The following PTPRF variants were observed in gnomAD, a reference collection of about 807,000 sequenced individuals.
The protein encoded by PTPRF is receptor-type tyrosine-protein phosphatase F.
In PTPRF, 59 loss-of-function variants were observed where a neutral mutation model predicts 201.8. The ratio of observed to expected loss-of-function variants is 0.29; its 90% confidence interval spans 0.24 to 0.36. The LOEUF is 0.36. PTPRF is among the 10% of genes least tolerant of loss of function. The pLI is 1.00. For missense variants in PTPRF, 2,132 were observed against 2,690.5 expected, an observed-to-expected ratio of 0.79 and a Z score of 4.59; for synonymous variants, 1,088 against 1,089.7, an observed-to-expected ratio of 1.00 and a Z score of 0.03.
intron 2 of PTPRF, among the ~76,000 whole-genome samples, chr1:43,540,631 C>T (rs895561681): frequency 6.6e-6 from 1 of 152,202 alleles, no homozygotes; most frequent in Non-Finnish European, 1.5e-5. Context: ...CGACACTCCT[C>T]CTAATCTCCC....
intron 5 of PTPRF, among the ~76,000 whole-genome samples, chr1:43,555,901 C>T (rs929857372): frequency 6.6e-6 from 1 of 152,124 alleles, no homozygotes; most frequent in African/African-American, 2.4e-5. Context: ...GTTCACCTTC[C>T]TGATTATTCC....
At position 43,598,858 on chromosome 1, in the gene PTPRF, A is replaced by G; in HGVS notation, c.2258A>G (p.Asn753Ser). The change falls in exon 13 of 34, where the codon AAT (asparagine) becomes AGT (serine). Residue 753 changes from asparagine to serine, a missense_variant. Transcript: ENST00000359947. ...GYQVTYVRLE[N>S]GEPRGLPIIQ... Reference sequence around the variant, plus strand: ...CAGGTCACCTACGTGCGGCTGGAGAATGGCGAGCCCCGTGGACTCCCCATC... The same window carrying G: ...CAGGTCACCTACGTGCGGCTGGAGAGTGGCGAGCCCCGTGGACTCCCCATC... 6.2e-7 allele frequency: 1 copy of G among 1,614,138 alleles called. No homozygotes were observed. The highest frequency in any genetic ancestry group is 2.2e-5 in the East Asian group (1 of 44,886).
At chr1:43,609,249 A>G in intron 21 of PTPRF, 134 bp from the exon 22 acceptor site, 1 of 684,716 alleles carries the variant, frequency 1.5e-6, no homozygotes. Context: ...CCGCGCTCAG[A>G]GATCCTGGGA....
At chr1:43,523,119 A>G (rs188007715), upstream of PTPRF, among the ~76,000 whole-genome samples, 257 of 152,310 alleles carry the variant, frequency 1.7e-3, 1 homozygote, top group Non-Finnish European at 2.6e-3. Flanking sequence ...TGGCTTGCCT[A>G]TAGATGGACA....
intron 13 of PTPRF, among the ~76,000 whole-genome samples, chr1:43,601,127 A>G (rs1046885870): frequency 6.6e-6 from 1 of 152,170 alleles, no homozygotes; most frequent in Non-Finnish European, 1.5e-5. Context: ...AACTTAGGCC[A>G]CCCAGCATGG....
chr1:43,621,117 G>A lies in PTPRF; in HGVS notation c.5540G>A (p.Gly1847Glu), dbSNP rs2154040811. Residue 1847 changes from glycine to glutamate, a missense_variant, in exon 33 of 34, where the codon GGG becomes GAG. Around this residue, in one of 6 missense-constraint regions of PTPRF, gnomAD observed 519 missense variants for 659.5 expected, o/e 0.79. Coordinates refer to ENST00000359947, the MANE Select transcript of PTPRF (RefSeq NM_002840.5). ...VHCSAGVGRT[G>E]VFITLSIVLE... is the part of the protein sequence containing the mutation. ...AGCAGTGCTGGCGTGGGCCGCACCGGGGTGTTCATCACTCTGAGCATCGTC... is the reference window on the plus strand; with the variant it reads ...AGCAGTGCTGGCGTGGGCCGCACCGAGGTGTTCATCACTCTGAGCATCGTC... The A allele has an allele frequency of 6.2e-7, 1 of 1,614,180 alleles. No individual in the cohort carries two copies. Among genetic ancestry groups the A allele is most frequent in the Non-Finnish European group, 8.5e-7 (1 of 1,180,014 alleles).
chr1:43,561,916 C>T (rs1557715039), intron 5 of PTPRF, among the ~76,000 whole-genome samples: 1 of 152,202 alleles, frequency 6.6e-6, no homozygotes, highest in Non-Finnish European at 1.5e-5. Flanking sequence ...CAGCCTGCCC[C>T]CCTGCCCCTA....
At position 43,603,357 on chromosome 1, in the gene PTPRF, C is replaced by A; in HGVS notation, c.2341-59C>A. The A allele has an allele frequency of 6.7e-7, 1 of 1,497,514 alleles. No homozygotes were observed. Among genetic ancestry groups the A allele is most frequent in the Non-Finnish European group, 9.3e-7 (1 of 1,074,384 alleles). 92.8% of individuals were successfully genotyped at this position (1,497,514 alleles called of 1,614,324 possible). Reference sequence around the variant, plus strand: ...CAGGCTAGGGTCCTGAGGTCCCTGACAAGGTCTGGCCTCTCCCTGCATTCT... The same window carrying A: ...CAGGCTAGGGTCCTGAGGTCCCTGAAAAGGTCTGGCCTCTCCCTGCATTCT... On this transcript the variant is annotated intron_variant, in intron 14 of 33. Transcript: ENST00000359947. The surrounding 1 kb of genome is among the most constrained non-coding windows in gnomAD (Gnocchi z 5.8).
chr1:43,529,421 G>A (rs1026820386), upstream of PTPRF, among the ~76,000 whole-genome samples: 7 of 152,200 alleles, frequency 4.6e-5, no homozygotes, highest in Admixed American at 4.6e-4. Flanking sequence ...ACCATGCCCT[G>A]CACATTACCA....
chr1:43,555,641 T>C (rs1353642535), intron 5 of PTPRF, among the ~76,000 whole-genome samples: 1 of 152,032 alleles, frequency 6.6e-6, no homozygotes, highest in African/African-American at 2.4e-5. Flanking sequence ...AGACGGGGTT[T>C]CACCATATTG....
rs762596997 is a variant in PTPRF, at chr1:43,605,426, A to G, written c.3372A>G (p.Gln1124=). 1 of 1,610,100 alleles carries G rather than the reference A, an allele frequency of 6.2e-7. No homozygotes were observed. Among genetic ancestry groups the G allele is most frequent in the South Asian group, 1.1e-5 (1 of 90,962 alleles). The part of the protein sequence containing the change: ...GRFDLSMPHV[Q]DPSLVRWFYI... ...TCGATCTCTCCATGCCCCATGTGCA[A>G]GACCCCTCGCTTGTCAGGTGTGCAC... Residue 1124 remains glutamine, a synonymous_variant, in exon 18 of 34, where the codon CAA becomes CAG. Coordinates refer to ENST00000359947, the MANE Select transcript of PTPRF (RefSeq NM_002840.5).
intron 6 of PTPRF, among the ~76,000 whole-genome samples, chr1:43,573,484 A>G (rs1355199542): frequency 1.3e-5 from 2 of 152,188 alleles, no homozygotes; most frequent in African/African-American, 4.8e-5. Context: ...TGGCTGCAGG[A>G]GGAGGCCCGT....
At chr1:43,611,925 C>T (rs1437862696) in intron 22 of PTPRF, among the ~76,000 whole-genome samples, 22 of 152,156 alleles carry the variant, frequency 1.4e-4, no homozygotes, top group Admixed American at 1.4e-3. Context: ...GTGGGAGGGG[C>T]CAAGGAGCAT....
chr1:43,599,018 C>T (rs1351538981), intron 13 of PTPRF, 105 bp downstream of exon 13: 4 of 1,255,014 alleles, frequency 3.2e-6, no homozygotes, highest in African/African-American at 1.5e-5. Flanking sequence ...CTGCCCTCAG[C>T]AGTGCTGTGA....
intron 1 of PTPRF, among the ~76,000 whole-genome samples, chr1:43,534,122 G>A (rs184931672): frequency 6.6e-6 from 1 of 152,286 alleles, no homozygotes; most frequent in Admixed American, 6.5e-5. Flanking sequence ...TTGAAGAAGA[G>A]AGAAAGGACT....
At chr1:43,558,650 C>T (rs879290149) in intron 5 of PTPRF, among the ~76,000 whole-genome samples, 1 of 152,202 alleles carries the variant, frequency 6.6e-6, no homozygotes, top group Admixed American at 6.5e-5. Flanking sequence ...AAGCTCTTCT[C>T]GCTCCGCACT....
intron 6 of PTPRF, 50 bp from the exon 7 acceptor site, chr1:43,578,760 G>A (rs765861265): frequency 9.9e-6 from 14 of 1,419,716 alleles, no homozygotes; most frequent in Admixed American, 1.7e-5. Context: ...CGTGTTCCAG[G>A]CCACACTCGA....
At chr1:43,558,383 G>A (rs1645539319) in intron 5 of PTPRF, among the ~76,000 whole-genome samples, 2 of 152,104 alleles carry the variant, frequency 1.3e-5, no homozygotes. Context: ...ACCACAGCCC[G>A]TGGGAGTGCC....
rs1644145490 is a variant in PTPRF, at chr1:43,538,218, G to T, written c.-105G>T. ...TCCAGGAAGGAGTGGAGGCCCTGGT[G>T]CCCGGCCCTTGGTGCTGAGTATCCA... On this transcript the variant is annotated 5_prime_UTR_variant, in exon 2 of 34. Transcript: ENST00000359947. The T allele has an allele frequency of 2.5e-6, 1 of 398,662 alleles. No individual in the cohort carries two copies. The highest frequency in any genetic ancestry group is 3.6e-5 in the East Asian group (1 of 28,068). 24.7% of individuals were successfully genotyped at this position (398,662 alleles called of 1,614,324 possible).
Sources: gnomAD v4.1 joint callset for allele counts (sites outside exome capture counted in the v4.1 genomes callset) on GRCh38, gnomAD v4.1.1 for gene constraint, gnomAD v4.1.1 regional missense constraint, Gnocchi (gnomAD v3.1) non-coding constraint, MANE v1.5 for transcripts, NCBI Gene and HGNC (gene_info 2026-07-23, HGNC 2026-07-21) for gene names.